PRPF31: variants seen among roughly 807,000 people sequenced by gnomAD.
The protein encoded by PRPF31 is U4/U6 small nuclear ribonucleoprotein Prp31.
A neutral mutation model predicts 60.4 loss-of-function variants in PRPF31; 12 were observed. The ratio of observed to expected loss-of-function variants is 0.20; its 90% CI spans 0.13 to 0.32. The LOEUF is 0.32. Among genes scored for constraint, PRPF31 ranks in the 10% least tolerant of loss-of-function variants. The probability of loss-of-function intolerance (pLI) is 1.00; values close to 1 mark genes in which losing one functional copy is unlikely to be tolerated. For missense variants in PRPF31, 431 were observed against 687.1 expected (o/e 0.63, Z 4.17); for synonymous variants, 287 against 287.9 (o/e 1.00, Z 0.03).
Position 54,129,247 on chromosome 19 carries a change from C to T in PRPF31, c.1276-25C>T, listed in dbSNP as rs587660595. On this transcript the variant is annotated intron_variant, in intron 12 of 13. Coordinates refer to ENST00000321030, the MANE Select transcript of PRPF31 (RefSeq NM_015629.4). ...GACACAAGGTGGGGGGAGCCCAGAT[C>T]GCAGCCTCCCTGTCCTCCCCACAGC... is the stretch of plus-strand genomic sequence containing the variant. The T allele has an allele frequency of 4.4e-5, 71 of 1,607,144 alleles. No homozygotes were observed. The South Asian group carries it at 6.0e-4, about 14-fold the overall frequency.
rs373541664 is a variant in PRPF31, at chr19:54,124,108, A to C, written c.697+190A>C. ...ATCTGTGGGAAAAACACTCACCCAC[A>C]GCTCCTTCTCCCTCCCCTGTGCCGG... On this transcript the variant is annotated intron_variant, in intron 7 of 13. Coordinates refer to ENST00000321030, the MANE Select transcript of PRPF31 (RefSeq NM_015629.4). 4.9e-6 allele frequency: 6 copies of C among 1,220,794 alleles called. No individual in the cohort carries two copies. The Admixed American group carries it at 1.6e-4, about 32-fold the overall frequency. 75.6% of individuals were successfully genotyped at this position (1,220,794 alleles called of 1,614,324 possible).
intron 9 of PRPF31, 40 bp downstream of exon 9, chr19:54,126,657 C>T (rs1369528042): frequency 7.0e-6 from 11 of 1,579,890 alleles, no homozygotes; most frequent in East Asian, 2.3e-5. Context: ...GCGTCTTTTC[C>T]TCTGGGCCTG....
chr19:54,119,343 C>T (rs1003066262), intron 3 of PRPF31, among the ~76,000 whole-genome samples: 9 of 151,202 alleles, frequency 6.0e-5, no homozygotes, highest in South Asian at 4.2e-4. Flanking sequence ...GATCGTGCCA[C>T]TGCACTCCAG....
At chr19:54,117,817 A>C (rs980589497) in intron 1 of PRPF31, among the ~76,000 whole-genome samples, 1 of 151,962 alleles carries the variant, frequency 6.6e-6, no homozygotes, top group African/African-American at 2.4e-5. Flanking sequence ...GCGCCACTGC[A>C]CTCCAACCTG....
chr19:54,127,106 C>T (rs587711163), intron 9 of PRPF31, among the ~76,000 whole-genome samples: 11 of 152,196 alleles, frequency 7.2e-5, no homozygotes, highest in Non-Finnish European at 1.5e-4. Flanking sequence ...GGTGACATAG[C>T]GAGACTCCAT....
intron 8 of PRPF31, among the ~76,000 whole-genome samples, chr19:54,125,838 G>A (rs1381425926): frequency 6.6e-6 from 1 of 152,212 alleles, no homozygotes; most frequent in African/African-American, 2.4e-5. Context: ...GGGGCTCGGG[G>A]CTCCAGCTGC....
intron 5 of PRPF31, chr19:54,123,041 G>A (rs149276021): frequency 7.9e-4 from 347 of 441,234 alleles, no homozygotes; most frequent in Middle Eastern, 1.3e-3. Context: ...GAAGGGTTTC[G>A]GAAAAGAGGG....
At chr19:54,117,540 A>G (rs587622342) in intron 1 of PRPF31, among the ~76,000 whole-genome samples, 1 of 152,138 alleles carries the variant, frequency 6.6e-6, no homozygotes, top group Non-Finnish European at 1.5e-5. Context: ...TTCCATACCT[A>G]GTTTGTTTCA....
chr19:54,120,814 A>G (rs933852073), intron 3 of PRPF31, among the ~76,000 whole-genome samples: 15 of 151,470 alleles, frequency 9.9e-5, no homozygotes, highest in African/African-American at 3.2e-4. Flanking sequence ...GGGTCTCCCT[A>G]TGTCGCCCAG....
chr19:54,121,901 G>A lies in PRPF31; in HGVS notation c.280G>A (p.Val94Met), dbSNP rs1216526173. ...GGCCGCGCCTGAATACCGCGTCATCGTGGATGCCAACAACCTGACCGTGGA... is the reference window on the plus strand; with the variant it reads ...GGCCGCGCCTGAATACCGCGTCATCATGGATGCCAACAACCTGACCGTGGA... ...VEAAPEYRVI[V>M]DANNLTVEIE... Residue 94 changes from valine (V) to methionine (M), a missense_variant, in exon 4 of 14, where the codon GTG becomes ATG. This residue lies in a region of PRPF31 where 113 missense variants were observed against 173.8 expected (regional missense o/e 0.65). Transcript: ENST00000321030. The A allele has an allele frequency of 8.7e-6, 14 of 1,612,772 alleles. No homozygotes were observed. The highest frequency in any genetic ancestry group is 1.2e-5 in the Non-Finnish European group (14 of 1,179,564).
intron 13 of PRPF31, among the ~76,000 whole-genome samples, 194 bp downstream of exon 13, chr19:54,129,564 G>A (rs113094474): frequency 0.029 from 4,299 of 147,726 alleles, 215 homozygotes; most frequent in African/African-American, 0.1. Flanking sequence ...GCCCAGCGCT[G>A]AGCAGTCCTC....
At chr19:54,120,736 C>T (rs1393651183) in intron 3 of PRPF31, among the ~76,000 whole-genome samples, 2 of 151,988 alleles carry the variant, frequency 1.3e-5, no homozygotes, top group African/African-American at 2.4e-5. Context: ...GCCTCCCAGG[C>T]AGCTGGGACC....
chr19:54,119,390 A>G (rs1306319432), intron 3 of PRPF31: 2 of 152,080 alleles, frequency 1.3e-5, no homozygotes, highest in Non-Finnish European at 2.9e-5. Flanking sequence ...TCAAAAAAAA[A>G]AAAAATAACC....
intron 7 of PRPF31, chr19:54,124,149 C>T: frequency 1.2e-6 from 1 of 869,140 alleles, no homozygotes. Flanking sequence ...CAGAGATGAC[C>T]ACACCCAGGC....
At chr19:54,123,365 A>C in intron 5 of PRPF31, 89 bp from the exon 6 acceptor site, 1 of 991,214 alleles carries the variant, frequency 1.0e-6, no homozygotes. Flanking sequence ...AGTGTCCCTA[A>C]GAAGAGACCT....
At chr19:54,129,022 T>C (rs1348701172) in intron 11 of PRPF31, 35 bp from the exon 12 acceptor site, 6 of 1,555,720 alleles carry the variant, frequency 3.9e-6, no homozygotes, top group Non-Finnish European at 5.2e-6. Flanking sequence ...CAGGGCCTGG[T>C]CGCTGAACTG....
intron 13 of PRPF31, among the ~76,000 whole-genome samples, chr19:54,130,347 C>T (rs587612686): frequency 0.016 from 2,404 of 152,126 alleles, 64 homozygotes; most frequent in African/African-American, 0.054. Context: ...AATGCCAGGC[C>T]GGGCGCGGTG....
chr19:54,122,799 G>A (rs1600338098), intron 5 of PRPF31: 6 of 651,688 alleles, frequency 9.2e-6, no homozygotes, highest in East Asian at 2.7e-5. Context: ...TCTCCCGAGA[G>A]GGCTTCCCCG....
At chr19:54,118,695 C>G (rs2073712393) in intron 3 of PRPF31, 62 bp downstream of exon 3, 1 of 1,545,612 alleles carries the variant, frequency 6.5e-7, no homozygotes, top group Admixed American at 1.7e-5. Flanking sequence ...CCCCCTGGCT[C>G]CCTGGCTGCT....
Sources: gnomAD v4.1 joint callset for allele counts (sites outside exome capture counted in the v4.1 genomes callset) on GRCh38, gnomAD v4.1.1 for gene constraint, gnomAD v4.1.1 regional missense constraint, MANE v1.5 for transcripts, NCBI Gene and HGNC (gene_info 2026-07-23, HGNC 2026-07-21) for gene names.